The following ARHGAP8 variants were observed in gnomAD, a reference collection of about 807,000 sequenced individuals.
ARHGAP8 encodes rho GTPase-activating protein 8.
A neutral mutation model predicts 46.1 loss-of-function variants in ARHGAP8; 62 were observed. That is an observed-to-expected ratio of 1.34 (90% confidence interval 1.10 to 1.66). The LOEUF (loss-of-function observed/expected upper bound fraction) is 1.66, where lower values mean the gene tolerates loss of function less well. Ranked by LOEUF, ARHGAP8 falls within the 40% of genes most tolerant of loss-of-function variation. ARHGAP8 has a pLI of 0.00. For synonymous variants in ARHGAP8, 375 were observed against 243.1 expected (o/e 1.54, Z -5.05); for missense variants, 923 against 568.4 (o/e 1.62, Z -6.34).
At chr22:44,787,897 G>C (rs913065306) in intron 2 of ARHGAP8, among the ~76,000 whole-genome samples, 1 of 144,080 alleles carries the variant, frequency 6.9e-6, no homozygotes, top group Non-Finnish European at 1.5e-5. Flanking sequence ...CAGGCACTCA[G>C]TCATTTGAAG....
At chr22:44,773,172 A>G (rs996227463) in intron 1 of ARHGAP8, among the ~76,000 whole-genome samples, 2 of 152,192 alleles carry the variant, frequency 1.3e-5, no homozygotes, top group Non-Finnish European at 2.9e-5. Flanking sequence ...TATTCAGGTT[A>G]TCAGTTTCTT....
At position 44,848,065 on chromosome 22, in the gene ARHGAP8, C is replaced by A. The variant is rs957683761; in HGVS notation, c.748+15C>A. ...CTACAACCAAGGTGAGGGTGTCCCG[C>A]AGTCCTGAGCCCCGAGCTGCCTGGT... On this transcript the variant is annotated intron_variant, in intron 9 of 11. Coordinates refer to ENST00000356099, the MANE Select transcript of ARHGAP8 (RefSeq NM_181335.3). 1.2e-5 allele frequency: 20 copies of A among 1,604,346 alleles called. No individual in the cohort carries two copies. Among genetic ancestry groups the A allele is most frequent in the Non-Finnish European group, 1.7e-5 (20 of 1,179,826 alleles).
intron 6 of ARHGAP8, among the ~76,000 whole-genome samples, chr22:44,824,128 C>G (rs1387809266): frequency 6.6e-6 from 1 of 152,192 alleles, no homozygotes; most frequent in Non-Finnish European, 1.5e-5. Flanking sequence ...CCCACTGGCA[C>G]AGCGGCAGGG....
intron 2 of ARHGAP8, among the ~76,000 whole-genome samples, chr22:44,787,037 C>CAAAAAAAA (rs57241720): frequency 1.6e-4 from 19 of 119,136 alleles, no homozygotes; most frequent in Non-Finnish European, 2.4e-4. Flanking sequence ...CTCAAAAAAA[C>CAAAAAAAA]AAAAAAAAAA....
In ARHGAP8 at chr22:44,775,462, T is replaced by A. The variant is rs1038868379; in HGVS notation, c.-71-10995T>A. Among the ~76,000 whole-genome samples, 31 of 152,196 alleles carry A rather than the reference T, an allele frequency of 2.0e-4. No individual in the cohort carries two copies. The East Asian group carries it at 5.8e-3, about 28-fold the overall frequency. ...GGACATAATTCTTTCTCTTTTTTTT[T>A]TTGAGACGGAGTTTCGCTCTTGTTG... On this transcript the variant is annotated intron_variant, in intron 1 of 11. Transcript: ENST00000356099.
chr22:44,857,823 CTG>C (rs1195431342), intron 10 of ARHGAP8, among the ~76,000 whole-genome samples: 2 of 152,096 alleles, frequency 1.3e-5, no homozygotes, highest in African/African-American at 2.4e-5. Flanking sequence ...TCTCTCTACA[CTG>C]GGGTGGTTGA....
intron 4 of ARHGAP8, among the ~76,000 whole-genome samples, chr22:44,811,946 G>T (rs2147098192): frequency 6.6e-6 from 1 of 150,856 alleles, no homozygotes; most frequent in South Asian, 2.1e-4. Context: ...GCAGTGAGCT[G>T]AGATCGCGCC....
intron 4 of ARHGAP8, chr22:44,808,655 T>C: frequency 4.5e-6 from 4 of 888,092 alleles, no homozygotes; most frequent in Non-Finnish European, 7.1e-6. Flanking sequence ...TTTTTTTCTT[T>C]CTTTCTTTTT....
At chr22:44,861,412 TG>T (rs1177867914) in intron 11 of ARHGAP8, among the ~76,000 whole-genome samples, 1 of 151,968 alleles carries the variant, frequency 6.6e-6, no homozygotes, top group Non-Finnish European at 1.5e-5. Context: ...TGAGGAGGGG[TG>T]GCCTGCAGTG....
chr22:44,828,752 C>G (rs1349212781), intron 7 of ARHGAP8, among the ~76,000 whole-genome samples: 1 of 151,920 alleles, frequency 6.6e-6, no homozygotes. Flanking sequence ...CTAGCCCGGG[C>G]CAGGATATTC....
chr22:44,790,450 C>T lies in ARHGAP8; in HGVS notation c.79+3844C>T, dbSNP rs555467518. ...CAGTACTTTAGAAGCCCAAGGAAGG[C>T]GGGTCACCTGAGGTCAGAAGTTCGA... On this transcript the variant is annotated intron_variant, in intron 2 of 11. Coordinates refer to ENST00000356099, the MANE Select transcript of ARHGAP8 (RefSeq NM_181335.3). 1.9e-4 allele frequency among the ~76,000 whole-genome samples: 29 copies of T among 151,882 alleles called. No homozygotes were observed. In the South Asian group the frequency reaches 4.6e-3, roughly 24 times the overall value.
chr22:44,792,792 A>AGTG (rs756818869), intron 2 of ARHGAP8, among the ~76,000 whole-genome samples: 33 of 91,954 alleles, frequency 3.6e-4, no homozygotes, highest in South Asian at 9.7e-4. Flanking sequence ...CACTAACGAC[A>AGTG]GTGGTGGTGG....
At chr22:44,833,096 C>CTTTTCTTTTTTTTTT (rs535842585) in intron 7 of ARHGAP8, among the ~76,000 whole-genome samples, 1 of 120,432 alleles carries the variant, frequency 8.3e-6, no homozygotes, top group African/African-American at 3.0e-5. Context: ...CTTTTCTTTT[C>CTTTTCTTTTTTTTTT]TTTTTTTTTT....
At chr22:44,848,812 G>A in intron 9 of ARHGAP8, 120 bp from the exon 10 acceptor site, 1 of 1,536,014 alleles carries the variant, frequency 6.5e-7, no homozygotes, top group South Asian at 1.3e-5. Flanking sequence ...TAGGACACAT[G>A]GCTCCAGCAT....
chr22:44,776,548 G>C (rs1041678866), intron 1 of ARHGAP8, among the ~76,000 whole-genome samples: 6 of 152,142 alleles, frequency 3.9e-5, no homozygotes, highest in African/African-American at 1.4e-4. Context: ...AACATCTCCT[G>C]AAGTGCCACC....
intron 4 of ARHGAP8, chr22:44,808,645 T>C (rs771090633): frequency 1.1e-6 from 1 of 936,234 alleles, no homozygotes; most frequent in South Asian, 1.4e-5. Flanking sequence ...CACTCATTTT[T>C]TTTTTTCTTT....
rs71315119 is a variant in ARHGAP8, at chr22:44,854,024, C to CAAA, written c.877+5000_877+5002dup. 4.6e-4 allele frequency among the ~76,000 whole-genome samples: 20 copies of CAAA among 43,302 alleles called. 3 individuals are homozygous for CAAA. Among genetic ancestry groups the CAAA allele is most frequent in the Admixed American group, 8.5e-4 (2 of 2,342 alleles). 28.4% of individuals were successfully genotyped at this position (43,302 alleles called of 152,430 possible). A position where few individuals can be genotyped will look rare whatever the true frequency, so the allele number is the denominator to read the frequency against. Reference sequence around the variant, plus strand: ...CCTGGGACACAGCGAGACTCTGTCTCAAAAAAAAAAAAAAAAAAAAAAAAA... The same window carrying CAAA: ...CCTGGGACACAGCGAGACTCTGTCTCAAAAAAAAAAAAAAAAAAAAAAAAAAAA... On this transcript the variant is annotated intron_variant, in intron 10 of 11. Coordinates refer to ENST00000356099, the MANE Select transcript of ARHGAP8 (RefSeq NM_181335.3).
At position 44,859,826 on chromosome 22, in the gene ARHGAP8, C is replaced by G. The variant is rs367647811; in HGVS notation, c.973C>G (p.Leu325Val). 2.1e-5 allele frequency: 34 copies of G among 1,613,710 alleles called. No individual in the cohort carries two copies. The highest frequency in any genetic ancestry group is 2.8e-5 in the Non-Finnish European group (33 of 1,179,852). The change falls in exon 11 of 12, where the codon CTG becomes GTG. Residue 325 changes from leucine to valine, a missense_variant. Coordinates refer to ENST00000356099, the MANE Select transcript of ARHGAP8 (RefSeq NM_181335.3). ...YVVLRYLMGF[L>V]HAVSRESIFN... Reference sequence around the variant, plus strand: ...CGTCCTCCGCTACCTCATGGGCTTCCTGCATGCGGTGAGTGGGGAAGGGGG... The same window carrying G: ...CGTCCTCCGCTACCTCATGGGCTTCGTGCATGCGGTGAGTGGGGAAGGGGG...
intron 1 of ARHGAP8, among the ~76,000 whole-genome samples, chr22:44,766,930 A>G (rs1925620863): frequency 6.6e-6 from 1 of 152,236 alleles, no homozygotes; most frequent in South Asian, 2.1e-4. Flanking sequence ...CCGCAGGTGG[A>G]GTGAGGAGGC....
Sources: gnomAD v4.1 joint callset for allele counts (sites outside exome capture counted in the v4.1 genomes callset) on GRCh38, gnomAD v4.1.1 for gene constraint, MANE v1.5 for transcripts, NCBI Gene and HGNC (gene_info 2026-07-23, HGNC 2026-07-21) for gene names.